The following SMARCD3 variants were observed in gnomAD, a reference collection of about 807,000 sequenced individuals.
SMARCD3 encodes SWI/SNF related BAF chromatin remodeling complex subunit D3.
In SMARCD3, 14 loss-of-function variants were observed where a neutral mutation model predicts 58.0. The observed-to-expected ratio is 0.24, with a 90% confidence interval of 0.16 to 0.38. SMARCD3 has a LOEUF of 0.38. SMARCD3 is among the 10% of genes least tolerant of loss of function. SMARCD3 has a pLI of 1.00. For missense variants in SMARCD3, 408 were observed against 636.9 expected (o/e 0.64, Z 3.87); for synonymous variants, 253 against 253.8 (o/e 1.00, Z 0.03).
rs1243894856 is a variant in SMARCD3 at position 151,241,294 on chromosome 7, C to T, written c.939+198G>A. The T allele has an allele frequency of 1.6e-6, 1 of 640,946 alleles. No individual in the cohort carries two copies. Among genetic ancestry groups the T allele is most frequent in the Non-Finnish European group, 2.8e-6 (1 of 352,142 alleles). The allele number at this position is 640,946 out of a possible 1,614,324, so 39.7% of individuals were successfully genotyped here. The stretch of plus-strand genomic sequence containing the variant: ...ACTTGGGGGGGCTAACATGGATTGG[C>T]TGCAGCACAGAGCTAATCCACAGTA... On this transcript the variant is annotated intron_variant, in intron 8 of 12. Coordinates refer to ENST00000262188, the MANE Select transcript of SMARCD3 (RefSeq NM_001003801.2). This position sits in a 1 kb window ranked among gnomAD's most constrained non-coding sequence, Gnocchi z 5.3.
intron 2 of SMARCD3, among the ~76,000 whole-genome samples, chr7:151,263,735 CTTTCTTCTGCACTGATCGTCCCA>C (rs1269661486): frequency 6.6e-6 from 1 of 152,230 alleles, no homozygotes; most frequent in African/African-American, 2.4e-5. Flanking sequence ...CCGGCACCAT[CTTTCTTCTGCACTGATCGTCCCA>C]TTTCTCCATT....
chr7:151,272,049 G>C (rs1228718114), intron 2 of SMARCD3, among the ~76,000 whole-genome samples: 1 of 152,208 alleles, frequency 6.6e-6, no homozygotes, highest in Non-Finnish European at 1.5e-5. Context: ...AATATTACCA[G>C]TAGGTTTATG....
Position 151,242,539 on chromosome 7 carries a change from T to G in SMARCD3, c.521A>C (p.Asp174Ala). 1.2e-6 allele frequency: 2 copies of G among 1,614,110 alleles called. No individual in the cohort carries two copies. The highest frequency in any genetic ancestry group is 1.7e-6 in the Non-Finnish European group (2 of 1,179,992). ...CCAGGAGGCAATGCTGCCGTCGGAA[T>G]CCTCAGCATCAGGCTTCGCAGGGTT... ...TFNPAKPDAE[D>A]SDGSIASWEL... is the part of the protein sequence containing the mutation. Residue 174 changes from aspartate (D) to alanine (A), a missense_variant, in exon 5 of 13, where the codon GAT becomes GCT. Physicochemically the swap from Asp to Ala is moderately radical, Grantham distance 126 (BLOSUM62 -2). This residue lies in a region of SMARCD3 where 128 missense variants were observed against 188.8 expected (regional missense o/e 0.68). Transcript: ENST00000262188. This position sits in a 1 kb window ranked among gnomAD's most constrained non-coding sequence, Gnocchi z 4.7.
At position 151,241,438 on chromosome 7, in the gene SMARCD3, C is replaced by A; in HGVS notation, c.939+54G>T. On this transcript the variant is annotated intron_variant, in intron 8 of 12. Coordinates refer to ENST00000262188, the MANE Select transcript of SMARCD3 (RefSeq NM_001003801.2). The surrounding 1 kb of genome is among the most constrained non-coding windows in gnomAD (Gnocchi z 5.3). ...AGTTACCTTGGTAGAGGTACTTCCC[C>A]TGCTGGAGAACTCCGCCTGCTCCCC... 1 of 1,513,212 alleles carries A rather than the reference C, an allele frequency of 6.6e-7. No homozygotes were observed. The highest frequency in any genetic ancestry group is 1.2e-5 in the South Asian group (1 of 85,408). The allele number at this position is 1,513,212 out of a possible 1,614,324, so 93.7% of individuals were successfully genotyped here.
In SMARCD3 at chr7:151,241,954, CCT is replaced by C; in HGVS notation, c.698_699del (p.Gln233ArgfsTer68). The C allele has an allele frequency of 6.2e-7, 1 of 1,612,544 alleles. No individual in the cohort carries two copies. The highest frequency in any genetic ancestry group is 8.5e-7 in the Non-Finnish European group (1 of 1,179,374). The stretch of plus-strand genomic sequence containing the variant: ...CGTTTCACCTGGAAGCCGTCCGTCT[CCT>C]GGGTCGTGGGTGTCCGATGCCACTG... ...LVEWHRTPTT[Q>X]ETDGFQVKRP... On this transcript the variant is annotated frameshift_variant, in exon 7 of 13. Coordinates refer to ENST00000262188, the MANE Select transcript of SMARCD3 (RefSeq NM_001003801.2). LOFTEE classifies it high-confidence loss of function. This position sits in a 1 kb window ranked among gnomAD's most constrained non-coding sequence, Gnocchi z 5.3.
At chr7:151,261,599 G>A (rs1803919441) in intron 2 of SMARCD3, among the ~76,000 whole-genome samples, 1 of 152,224 alleles carries the variant, frequency 6.6e-6, no homozygotes, top group Non-Finnish European at 1.5e-5. Context: ...CACTTAACGA[G>A]CAGCAGCTGT....
chr7:151,273,471 C>T (rs1361422097), intron 2 of SMARCD3, among the ~76,000 whole-genome samples: 1 of 152,240 alleles, frequency 6.6e-6, no homozygotes, highest in Non-Finnish European at 1.5e-5. Context: ...GCTTAGCTGC[C>T]TCCCATCAGC....
Position 151,241,659 on chromosome 7 carries a change from A to T in SMARCD3, c.778-6T>A, listed in dbSNP as rs1802992294. 1 of 1,607,938 alleles carries T rather than the reference A, an allele frequency of 6.2e-7. No homozygotes were observed. The highest frequency in any genetic ancestry group is 8.5e-7 in the Non-Finnish European group (1 of 1,176,874). Reference sequence around the variant, plus strand: ...TCCAGTTTGAACTGGGGAGGCTGGGAAAAGGGGACTGTGAAAGTTAGACCA... The same window carrying T: ...TCCAGTTTGAACTGGGGAGGCTGGGTAAAGGGGACTGTGAAAGTTAGACCA... On this transcript the variant is annotated splice_region_variant and splice_polypyrimidine_tract_variant and intron_variant, in intron 7 of 12. Coordinates refer to ENST00000262188, the MANE Select transcript of SMARCD3 (RefSeq NM_001003801.2). This position sits in a 1 kb window ranked among gnomAD's most constrained non-coding sequence, Gnocchi z 5.3.
chr7:151,251,865 C>T (rs892506189), upstream of SMARCD3, among the ~76,000 whole-genome samples: 2 of 148,464 alleles, frequency 1.3e-5, no homozygotes, highest in Admixed American at 1.3e-4. Context: ...TCGGCCGCCT[C>T]GCCCCCACCG....
intron 2 of SMARCD3, among the ~76,000 whole-genome samples, chr7:151,274,268 T>C (rs1795268501): frequency 6.6e-6 from 1 of 152,146 alleles, no homozygotes; most frequent in South Asian, 2.1e-4. Context: ...TGATGATGGG[T>C]GGGGCTGGGC....
chr7:151,246,580 A>C lies in SMARCD3; in HGVS notation c.79-909T>G, dbSNP rs1273174607. Among the ~76,000 whole-genome samples, 2 of 152,110 alleles carry C rather than the reference A, an allele frequency of 1.3e-5. No individual in the cohort carries two copies. The highest frequency in any genetic ancestry group is 4.8e-5 in the African/African-American group (2 of 41,420). ...CTCACATTTCCCTTCCTGTCTGCCC[A>C]GGTCAGCAGCCACCTCCTCCTCTTC... On this transcript the variant is annotated intron_variant, in intron 1 of 12. Coordinates refer to ENST00000262188, the MANE Select transcript of SMARCD3 (RefSeq NM_001003801.2). This position sits in a 1 kb window ranked among gnomAD's most constrained non-coding sequence, Gnocchi z 4.4.
Position 151,242,306 on chromosome 7 carries a change from C to T in SMARCD3, c.580-74G>A. The stretch of plus-strand genomic sequence containing the variant: ...GAGGAGCAGAAGGAGGCCAAGTTGG[C>T]AGCCGACAGGGCAGTGGGCTTAGAT... On this transcript the variant is annotated intron_variant, in intron 5 of 12. Transcript: ENST00000262188. This position sits in a 1 kb window ranked among gnomAD's most constrained non-coding sequence, Gnocchi z 4.7. 1.4e-6 allele frequency: 2 copies of T among 1,442,300 alleles called. No homozygotes were observed. The highest frequency in any genetic ancestry group is 2.0e-6 in the Non-Finnish European group (2 of 1,024,288). 89.3% of individuals were successfully genotyped at this position (1,442,300 alleles called of 1,614,324 possible).
At position 151,241,847 on chromosome 7, in the gene SMARCD3, C is replaced by T. The variant is rs373729593; in HGVS notation, c.777+30G>A. On this transcript the variant is annotated intron_variant, in intron 7 of 12. Transcript: ENST00000262188. The surrounding 1 kb of genome is among the most constrained non-coding windows in gnomAD (Gnocchi z 5.3). ...GCCCTGCCCTGAGGGCCTTGTGTGG[C>T]GTGTACGGGGCAGCATGGCAGGTGC... 1.0e-4 allele frequency: 157 copies of T among 1,570,960 alleles called. 1 individual carries two copies. The highest frequency in any genetic ancestry group is 1.7e-4 in the Middle Eastern group (1 of 6,010).
intron 2 of SMARCD3, among the ~76,000 whole-genome samples, chr7:151,274,577 C>T (rs189691273): frequency 6.6e-6 from 1 of 152,350 alleles, no homozygotes; most frequent in African/African-American, 2.4e-5. Context: ...ACAAGCGGAA[C>T]CCTGCCTGGG....
At position 151,245,948 on chromosome 7, in the gene SMARCD3, C is replaced by CA. The variant is rs959964018; in HGVS notation, c.79-278dup. On this transcript the variant is annotated intron_variant, in intron 1 of 12. Coordinates refer to ENST00000262188, the MANE Select transcript of SMARCD3 (RefSeq NM_001003801.2). This position sits in a 1 kb window ranked among gnomAD's most constrained non-coding sequence, Gnocchi z 6.2. Reference sequence around the variant, plus strand: ...AGCCTCGGGGCTGCGGAAGGTACCGCAAAAATGAATATTAATGGCGCCTTT... The same window carrying CA: ...AGCCTCGGGGCTGCGGAAGGTACCGCAAAAAATGAATATTAATGGCGCCTTT... 1 of 331,504 alleles carries CA rather than the reference C, an allele frequency of 3.0e-6. No individual in the cohort carries two copies. Among genetic ancestry groups the CA allele is most frequent in the East Asian group, 4.7e-5 (1 of 21,396 alleles). 20.5% of individuals were successfully genotyped at this position (331,504 alleles called of 1,614,324 possible). A position where few individuals can be genotyped will look rare whatever the true frequency, so the allele number is the denominator to read the frequency against.
intron 2 of SMARCD3, among the ~76,000 whole-genome samples, chr7:151,244,140 C>T (rs1312842252): frequency 6.6e-6 from 1 of 152,292 alleles, no homozygotes; most frequent in East Asian, 1.9e-4. Flanking sequence ...GGGAGAGAGA[C>T]GAACTCCTTC....
rs751309182 is a variant in SMARCD3, at chr7:151,242,090, C to T, written c.675+47G>A. ...TGTGCTGGTTCTTCAGGGATTCTGG[C>T]CTGTGGGAGGGTGGCAATTCAAGGG... On this transcript the variant is annotated intron_variant, in intron 6 of 12. Coordinates refer to ENST00000262188, the MANE Select transcript of SMARCD3 (RefSeq NM_001003801.2). This position sits in a 1 kb window ranked among gnomAD's most constrained non-coding sequence, Gnocchi z 4.7. 3.9e-6 allele frequency: 6 copies of T among 1,552,984 alleles called. No individual in the cohort carries two copies. Among genetic ancestry groups the T allele is most frequent in the Middle Eastern group, 1.7e-4 (1 of 5,900 alleles).
In SMARCD3 at chr7:151,245,524, G is replaced by C. The variant is rs1365719185; in HGVS notation, c.226C>G (p.Pro76Ala). 19 of 1,222,364 alleles carry C rather than the reference G, an allele frequency of 1.6e-5. No homozygotes were observed. Among genetic ancestry groups the C allele is most frequent in the African/African-American group, 3.1e-5 (2 of 64,024 alleles). 75.7% of individuals were successfully genotyped at this position (1,222,364 alleles called of 1,614,324 possible). A position where few individuals can be genotyped will look rare whatever the true frequency, so the allele number is the denominator to read the frequency against. Residue 76 changes from proline to alanine, a missense_variant, in exon 2 of 13, where the codon CCC (proline) becomes GCC (alanine). By Grantham distance (27) the Pro-to-Ala change is conservative. This residue lies in a region of SMARCD3 where 128 missense variants were observed against 188.8 expected (regional missense o/e 0.68). Coordinates refer to ENST00000262188, the MANE Select transcript of SMARCD3 (RefSeq NM_001003801.2). This position sits in a 1 kb window ranked among gnomAD's most constrained non-coding sequence, Gnocchi z 6.2. ...TGGCTCTGTGCCTGGCTCTGCCCGG[G>C]CGGGGGCGCTGCTCGCTTGCGGGCG... ...EPARKRAAPP[P>A]GQSQAQSQGQ...
At chr7:151,244,831 G>T (rs1803176768) in intron 2 of SMARCD3, among the ~76,000 whole-genome samples, 1 of 152,240 alleles carries the variant, frequency 6.6e-6, no homozygotes, top group African/African-American at 2.4e-5. Context: ...CTGTTGCCAG[G>T]AGCCAGCAGG....
Sources: gnomAD v4.1 joint callset for allele counts (sites outside exome capture counted in the v4.1 genomes callset) on GRCh38, gnomAD v4.1.1 for gene constraint, gnomAD v4.1.1 regional missense constraint, Gnocchi (gnomAD v3.1) non-coding constraint, MANE v1.5 for transcripts, NCBI Gene and HGNC (gene_info 2026-07-23, HGNC 2026-07-21) for gene names.